The following CSMD1 variants were observed in gnomAD, a reference collection of about 807,000 sequenced individuals.
CSMD1 encodes the protein CUB and Sushi multiple domains 1, also known as CUB and sushi domain-containing protein 1.
Under a neutral mutation model 417.5 loss-of-function variants are expected in CSMD1, and 213 were observed. The ratio of observed to expected loss-of-function variants is 0.51; its 90% CI spans 0.46 to 0.57. CSMD1 has a LOEUF of 0.57. CSMD1 is among the 20% of genes least tolerant of loss of function. The probability of loss-of-function intolerance (pLI) is 0.00; values close to 1 mark genes in which losing one functional copy is unlikely to be tolerated. For missense variants in CSMD1, 6,923 were observed against 4,529.7 expected (o/e 1.53, Z -15.17); for synonymous variants, 2,862 against 1,736.8 (o/e 1.65, Z -16.11).
At chr8:4,580,821 C>A (rs1198795414) in intron 2 of CSMD1, among the ~76,000 whole-genome samples, 2 of 152,186 alleles carry the variant, frequency 1.3e-5, no homozygotes, top group African/African-American at 4.8e-5. Flanking sequence ...AAAGTTGTAT[C>A]TTGTACATAC....
intron 5 of CSMD1, among the ~76,000 whole-genome samples, chr8:3,870,925 GC>G (rs1805441674): frequency 6.6e-6 from 1 of 151,720 alleles, no homozygotes; most frequent in African/African-American, 2.4e-5. Context: ...CATGTACATA[GC>G]TTTTTATGTA....
At chr8:3,341,839 T>C (rs961977795) in intron 23 of CSMD1, among the ~76,000 whole-genome samples, 3 of 152,088 alleles carry the variant, frequency 2.0e-5, no homozygotes, top group Admixed American at 1.3e-4. Context: ...CTAAGACTAG[T>C]GTAGGGGCAA....
intron 5 of CSMD1, among the ~76,000 whole-genome samples, chr8:3,987,342 T>G (rs926893638): frequency 2.6e-5 from 4 of 152,226 alleles, no homozygotes; most frequent in Non-Finnish European, 4.4e-5. Flanking sequence ...ACCGACAGCA[T>G]CTTTGCAACT....
chr8:4,768,788 G>C (rs7838866), intron 1 of CSMD1, among the ~76,000 whole-genome samples: 360 of 152,268 alleles, frequency 2.4e-3, no homozygotes, highest in African/African-American at 8.3e-3. Context: ...CATCTTATGG[G>C]AAGAGAGGAA....
intron 5 of CSMD1, among the ~76,000 whole-genome samples, chr8:3,897,814 T>C (rs1291654740): frequency 2.0e-5 from 3 of 152,202 alleles, no homozygotes; most frequent in African/African-American, 7.2e-5. Context: ...CGTAAGTTCA[T>C]CTCCATCTTT....
intron 3 of CSMD1, among the ~76,000 whole-genome samples, chr8:4,364,405 T>C (rs1310688905): frequency 6.6e-6 from 1 of 152,194 alleles, no homozygotes; most frequent in Non-Finnish European, 1.5e-5. Context: ...GCTTCCATTA[T>C]TGCCCTAGTC....
chr8:4,657,194 G>C (rs547443369), intron 1 of CSMD1, among the ~76,000 whole-genome samples: 32 of 152,186 alleles, frequency 2.1e-4, no homozygotes, highest in Non-Finnish European at 2.4e-4. Context: ...TCTCAGAAAA[G>C]ACCTCACAAT....
At chr8:4,038,461 G>A (rs781100493) in intron 3 of CSMD1, among the ~76,000 whole-genome samples, 1 of 152,230 alleles carries the variant, frequency 6.6e-6, no homozygotes, top group South Asian at 2.1e-4. Context: ...TGGTAATTTA[G>A]TGTTCGAGAA....
At chr8:3,675,864 C>G (rs538955370) in intron 7 of CSMD1, among the ~76,000 whole-genome samples, 2 of 152,184 alleles carry the variant, frequency 1.3e-5, no homozygotes, top group African/African-American at 2.4e-5. Flanking sequence ...ATTTTCTAGA[C>G]TAACGCTACT....
chr8:3,982,600 G>A lies in CSMD1; in HGVS notation c.818+15303C>T, dbSNP rs1399181244. On this transcript the variant is annotated intron_variant, in intron 5 of 69. Transcript: ENST00000635120. ...TCATTTAGAATTTCACTACTATTAT[G>A]AAGTACTGCTGAGAGAGAAAAAAAA... Among the ~76,000 whole-genome samples the A allele has an allele frequency of 5.4e-5, 8 of 147,442 alleles. No homozygotes were observed. In the East Asian group the frequency reaches 1.6e-3, roughly 30 times the overall value.
intron 3 of CSMD1, among the ~76,000 whole-genome samples, chr8:4,257,643 T>C (rs886797289): frequency 7.2e-5 from 11 of 152,326 alleles, no homozygotes; most frequent in African/African-American, 2.4e-4. Context: ...AGGAAATACA[T>C]CACATTGGTT....
rs1021054911 is a variant in CSMD1 at position 4,068,455 on chromosome 8, A to G, written c.416-36356T>C. Among the ~76,000 whole-genome samples, 3 of 152,224 alleles carry G rather than the reference A, an allele frequency of 2.0e-5. 1 individual carries two copies. In the South Asian group the frequency reaches 6.2e-4, roughly 31 times the overall value. ...GAAAATTAAATGTATATTTTTAGAA[A>G]GAAGTCTTTCATGACACCATAACAC... On this transcript the variant is annotated intron_variant, in intron 3 of 69. Transcript: ENST00000635120.
At chr8:4,769,297 C>A (rs1796485965) in intron 1 of CSMD1, among the ~76,000 whole-genome samples, 1 of 152,112 alleles carries the variant, frequency 6.6e-6, no homozygotes, top group Non-Finnish European at 1.5e-5. Context: ...CTGAAGGAAT[C>A]TTTCTCAGTG....
intron 3 of CSMD1, among the ~76,000 whole-genome samples, chr8:4,145,308 G>A (rs892268637): frequency 2.0e-5 from 3 of 150,872 alleles, no homozygotes; most frequent in Non-Finnish European, 2.9e-5. Flanking sequence ...GAACTTTATG[G>A]TACTCACCAT....
rs560182546 is a variant in CSMD1 at position 3,873,059 on chromosome 8, G to A, written c.819-119017C>T. ...ATTAAAAAATCAAACAACAACAGAT[G>A]CTGGCAAGGTTGCAGATAAAATGGA... On this transcript the variant is annotated intron_variant, in intron 5 of 69. Transcript: ENST00000635120. Among the ~76,000 whole-genome samples, 4 of 152,134 alleles carry A rather than the reference G, an allele frequency of 2.6e-5. No individual in the cohort carries two copies. In the East Asian group the frequency reaches 7.7e-4, roughly 29 times the overall value.
intron 10 of CSMD1, among the ~76,000 whole-genome samples, chr8:3,507,655 T>G (rs893125404): frequency 2.6e-5 from 4 of 152,180 alleles, no homozygotes; most frequent in Non-Finnish European, 4.4e-5. Context: ...TCCACATCCT[T>G]TTCAGCACCT....
chr8:4,263,144 T>C (rs1253699521), intron 3 of CSMD1, among the ~76,000 whole-genome samples: 1 of 152,178 alleles, frequency 6.6e-6, no homozygotes, highest in African/African-American at 2.4e-5. Context: ...TTTTCAAAAA[T>C]GTATTACGTA....
At chr8:3,622,719 A>C (rs915657322) in intron 7 of CSMD1, among the ~76,000 whole-genome samples, 1 of 152,190 alleles carries the variant, frequency 6.6e-6, no homozygotes, top group Non-Finnish European at 1.5e-5. Context: ...TTCGTGTGAT[A>C]AACAGTCAGA....
chr8:4,575,235 C>A (rs1004972863), intron 2 of CSMD1, among the ~76,000 whole-genome samples: 1 of 152,180 alleles, frequency 6.6e-6, no homozygotes, highest in Non-Finnish European at 1.5e-5. Context: ...CAGTTACTGT[C>A]TCCTTTTACA....
Sources: gnomAD v4.1 joint callset for allele counts (sites outside exome capture counted in the v4.1 genomes callset) on GRCh38, gnomAD v4.1.1 for gene constraint, MANE v1.5 for transcripts, NCBI Gene and HGNC (gene_info 2026-07-23, HGNC 2026-07-21) for gene names.